FARP1: variants seen among roughly 807,000 people sequenced by gnomAD.
FARP1 encodes the protein FERM, ARH/RhoGEF and pleckstrin domain protein 1, also known as FERM, ARHGEF and pleckstrin domain-containing protein 1.
Under a neutral mutation model 128.8 loss-of-function variants are expected in FARP1, and 52 were observed. The observed-to-expected ratio is 0.40, with a 90% CI of 0.32 to 0.51. The LOEUF (loss-of-function observed/expected upper bound fraction) is 0.51. Among genes scored for constraint, FARP1 ranks in the 20% least tolerant of loss-of-function variants. FARP1 has a pLI of 0.45. For synonymous variants in FARP1, 580 were observed against 551.8 expected, an observed-to-expected ratio of 1.05 and a Z score of -0.72; for missense variants, 1,333 against 1,367.9, an observed-to-expected ratio of 0.97 and a Z score of 0.40.
chr13:98,322,246 G>A (rs185111210), intron 2 of FARP1, among the ~76,000 whole-genome samples: 483 of 152,250 alleles, frequency 3.2e-3, no homozygotes, highest in Non-Finnish European at 4.9e-3. Context: ...TGCAGTGAGT[G>A]GAGATTGCAC....
intron 16 of FARP1, among the ~76,000 whole-genome samples, chr13:98,422,157 T>C (rs1446108064): frequency 2.0e-5 from 3 of 152,090 alleles, no homozygotes; most frequent in African/African-American, 7.2e-5. Flanking sequence ...GCCACGAGAA[T>C]TGAAGGGCTG....
In FARP1 at chr13:98,440,727, C is replaced by A; in HGVS notation, c.2687C>A (p.Ser896Ter). ...DQESEDDLSA[S>*]RTSLERQAPH... ...GAGTCAGAGGATGACCTGAGCGCCTCGCGCACATCGCTGGAGCGCCAGGCC... is the reference window on the plus strand; with the variant it reads ...GAGTCAGAGGATGACCTGAGCGCCTAGCGCACATCGCTGGAGCGCCAGGCC... Residue 896 changes from serine to a stop codon, truncating the protein, a stop_gained, in exon 24 of 27, where the codon TCG becomes TAG. Coordinates refer to ENST00000319562, the MANE Select transcript of FARP1 (RefSeq NM_005766.4). LOFTEE classifies it high-confidence loss of function. The A allele has an allele frequency of 6.2e-7, 1 of 1,613,526 alleles. No homozygotes were observed. Among genetic ancestry groups the A allele is most frequent in the Non-Finnish European group, 8.5e-7 (1 of 1,179,994 alleles).
intron 6 of FARP1, among the ~76,000 whole-genome samples, chr13:98,379,793 T>A (rs1386820542): frequency 1.3e-5 from 2 of 148,250 alleles, no homozygotes; most frequent in Non-Finnish European, 3.0e-5. Context: ...CAAGAAAAAA[T>A]ATCTTAGATG....
chr13:98,224,979 A>G (rs995227216), intron 2 of FARP1, among the ~76,000 whole-genome samples: 1 of 152,206 alleles, frequency 6.6e-6, no homozygotes, highest in South Asian at 2.1e-4. Context: ...GCAGGCATCA[A>G]TAAGAATACC....
chr13:98,453,052 G>A lies in FARP1; in HGVS notation c.*4735G>A. The A allele has an allele frequency of 1.8e-6, 2 of 1,140,572 alleles. No homozygotes were observed. Among genetic ancestry groups the A allele is most frequent in the Non-Finnish European group, 2.5e-6 (2 of 785,080 alleles). 70.7% of individuals were successfully genotyped at this position (1,140,572 alleles called of 1,614,324 possible). A position where few individuals can be genotyped will look rare whatever the true frequency, so the allele number is the denominator to read the frequency against. ...GTCCCTGGACGGGCGCCTGGCGCTGGGGTGGCTCCCAGTGGCGCACCTCTT... is the reference window on the plus strand; with the variant it reads ...GTCCCTGGACGGGCGCCTGGCGCTGAGGTGGCTCCCAGTGGCGCACCTCTT... On this transcript the variant is annotated 3_prime_UTR_variant, in exon 27 of 27. Transcript: ENST00000319562.
intron 6 of FARP1, among the ~76,000 whole-genome samples, chr13:98,378,998 T>A (rs1280036116): frequency 1.1e-5 from 1 of 88,394 alleles, no homozygotes; most frequent in Non-Finnish European, 2.0e-5. Context: ...ATATATATAA[T>A]ATATACAATA....
chr13:98,310,471 G>A (rs146067292), intron 2 of FARP1, among the ~76,000 whole-genome samples: 33 of 152,308 alleles, frequency 2.2e-4, no homozygotes, highest in African/African-American at 7.7e-4. Flanking sequence ...TTAGATTGAA[G>A]AATTTGAAAC....
At position 98,448,333 on chromosome 13, in the gene FARP1, G is replaced by A. The variant is rs548305291; in HGVS notation, c.*16G>A. On this transcript the variant is annotated 3_prime_UTR_variant, in exon 27 of 27. Transcript: ENST00000319562. The stretch of plus-strand genomic sequence containing the variant: ...TGTGTATTGATGGCCGGACACACTC[G>A]TTTCCGCAGTGGCTGCTTTCCTGGA... The A allele has an allele frequency of 2.1e-5, 34 of 1,582,920 alleles. No homozygotes were observed. Among genetic ancestry groups the A allele is most frequent in the South Asian group, 2.1e-4 (19 of 90,480 alleles).
intron 17 of FARP1, 38 bp downstream of exon 17, chr13:98,424,688 A>C: frequency 6.9e-7 from 1 of 1,443,704 alleles, no homozygotes; most frequent in Non-Finnish European, 9.8e-7. Flanking sequence ...AAGGTTCACC[A>C]AGGAGAATCG....
intron 17 of FARP1, among the ~76,000 whole-genome samples, chr13:98,426,950 T>TC (rs1383811874): frequency 6.6e-6 from 1 of 152,154 alleles, no homozygotes; most frequent in Non-Finnish European, 1.5e-5. Context: ...AGTACAGAGT[T>TC]CTCGTATTCT....
chr13:98,410,944 G>A (rs1184109056), intron 15 of FARP1, 121 bp downstream of exon 15: 4 of 537,020 alleles, frequency 7.4e-6, no homozygotes, highest in Admixed American at 3.0e-5. Flanking sequence ...TGAAAGGATT[G>A]TGGTCCTAGG....
At chr13:98,361,410 A>G (rs1888867704) in intron 3 of FARP1, among the ~76,000 whole-genome samples, 1 of 152,232 alleles carries the variant, frequency 6.6e-6, no homozygotes, top group South Asian at 2.1e-4. Flanking sequence ...CAGAAATGCC[A>G]GAAACAGAGG....
chr13:98,376,340 T>A (rs923810110), intron 5 of FARP1, among the ~76,000 whole-genome samples: 13 of 152,186 alleles, frequency 8.5e-5, no homozygotes, highest in African/African-American at 2.9e-4. Context: ...TTGTTTTAAT[T>A]TTTAGCTCCC....
At chr13:98,225,741 T>C (rs1024165366) in intron 2 of FARP1, among the ~76,000 whole-genome samples, 1 of 152,238 alleles carries the variant, frequency 6.6e-6, no homozygotes, top group African/African-American at 2.4e-5. Context: ...TTAGAGTCTT[T>C]ATGTGGGTAG....
Position 98,317,068 on chromosome 13 carries a change from C to T in FARP1, c.172-26694C>T, listed in dbSNP as rs1320862579. Among the ~76,000 whole-genome samples the T allele has an allele frequency of 7.9e-5, 12 of 152,180 alleles. No homozygotes were observed. In the East Asian group the frequency reaches 2.3e-3, roughly 29 times the overall value. ...TGCTCAGCACACAGACACACACAGCCATGTGGAGTGCAGGGCGACTTCTCT... is the reference window on the plus strand; with the variant it reads ...TGCTCAGCACACAGACACACACAGCTATGTGGAGTGCAGGGCGACTTCTCT... On this transcript the variant is annotated intron_variant, in intron 2 of 26. Coordinates refer to ENST00000319562, the MANE Select transcript of FARP1 (RefSeq NM_005766.4).
chr13:98,158,664 G>A (rs1053274792), intron 1 of FARP1, among the ~76,000 whole-genome samples: 2 of 152,172 alleles, frequency 1.3e-5, no homozygotes, highest in Admixed American at 6.5e-5. Context: ...TGAGTTTGAG[G>A]TCAGGCTCAG....
intron 1 of FARP1, among the ~76,000 whole-genome samples, chr13:98,175,196 G>A (rs1877917037): frequency 6.6e-6 from 1 of 152,148 alleles, no homozygotes; most frequent in South Asian, 2.1e-4. Flanking sequence ...TGATATATGA[G>A]ATAGGCTCTT....
At chr13:98,239,374 G>C (rs538290292) in intron 2 of FARP1, among the ~76,000 whole-genome samples, 1 of 152,340 alleles carries the variant, frequency 6.6e-6, no homozygotes, top group African/African-American at 2.4e-5. Flanking sequence ...TTTATTGCGT[G>C]CTTGCAATTG....
In FARP1 at chr13:98,176,424, G is replaced by A; in HGVS notation, c.-24+32932G>A. 6.2e-7 allele frequency: 1 copy of A among 1,614,210 alleles called. No individual in the cohort carries two copies. The highest frequency in any genetic ancestry group is 8.5e-7 in the Non-Finnish European group (1 of 1,180,042). The stretch of plus-strand genomic sequence containing the variant: ...CGCAGCTCTCGCAGAAATAATGCCT[G>A]CACTTGGTGACGACTGGGTTTTGGA... On this transcript the variant is annotated intron_variant, in intron 1 of 26. Coordinates refer to ENST00000319562, the MANE Select transcript of FARP1 (RefSeq NM_005766.4). This position sits in a 1 kb window ranked among gnomAD's most constrained non-coding sequence, Gnocchi z 6.2.
Sources: allele counts gnomAD v4.1 joint callset (sites outside exome capture counted in the v4.1 genomes callset), GRCh38; gene constraint gnomAD v4.1.1; non-coding constraint Gnocchi (gnomAD v3.1); transcripts MANE v1.5; gene names NCBI Gene and HGNC (gene_info 2026-07-23, HGNC 2026-07-21).